ZBTB20: variants seen among roughly 807,000 people sequenced by gnomAD.
ZBTB20 encodes the protein zinc finger and BTB domain-containing protein 20.
In ZBTB20, 9 loss-of-function variants were observed where a neutral mutation model predicts 56.9. The observed-to-expected ratio is 0.16, with a 90% CI of 0.10 to 0.28. The LOEUF (loss-of-function observed/expected upper bound fraction) is 0.28, where lower values mean the gene tolerates loss of function less well. ZBTB20 is among the 10% of genes least tolerant of loss of function. The pLI is 1.00. For synonymous variants in ZBTB20, 417 were observed against 420.7 expected, an observed-to-expected ratio of 0.99 and a Z score of 0.11; for missense variants, 655 against 1,003.0, an observed-to-expected ratio of 0.65 and a Z score of 4.69.
chr3:114,614,477 G>C (rs537909815), intron 6 of ZBTB20, among the ~76,000 whole-genome samples: 1 of 152,202 alleles, frequency 6.6e-6, no homozygotes, highest in Non-Finnish European at 1.5e-5. Context: ...CCTCAACGGG[G>C]TGACATAAGG....
At chr3:114,725,584 T>C (rs1284345074) in intron 5 of ZBTB20, among the ~76,000 whole-genome samples, 3 of 152,246 alleles carry the variant, frequency 2.0e-5, no homozygotes, top group South Asian at 4.1e-4. Flanking sequence ...AAAATGAATA[T>C]ACTCAACTTA....
chr3:115,136,574 C>G (rs1475366478), intron 1 of ZBTB20, among the ~76,000 whole-genome samples: 1 of 151,978 alleles, frequency 6.6e-6, no homozygotes. Context: ...ATCAAACTCA[C>G]TTTACACCAG....
At chr3:114,983,978 C>T (rs1410115637) in intron 2 of ZBTB20, among the ~76,000 whole-genome samples, 3 of 151,874 alleles carry the variant, frequency 2.0e-5, no homozygotes, top group Non-Finnish European at 4.4e-5. Context: ...GCCCAGTTGA[C>T]GTTCTTATCC....
intron 4 of ZBTB20, among the ~76,000 whole-genome samples, chr3:114,832,236 C>T (rs1400695366): frequency 6.6e-6 from 1 of 152,070 alleles, no homozygotes; most frequent in Non-Finnish European, 1.5e-5. Flanking sequence ...TTTGGATAAA[C>T]TCAAATTCAG....
intron 4 of ZBTB20, among the ~76,000 whole-genome samples, chr3:114,835,384 G>A (rs1560302224): frequency 6.6e-6 from 1 of 151,702 alleles, no homozygotes; most frequent in African/African-American, 2.4e-5. Flanking sequence ...CAAAAAAGTT[G>A]TTTTTTTAAT....
intron 1 of ZBTB20, among the ~76,000 whole-genome samples, chr3:115,131,057 G>A (rs552120678): frequency 4.6e-5 from 7 of 152,114 alleles, no homozygotes; most frequent in South Asian, 2.1e-4. Context: ...CACCGTGCCC[G>A]GCCAATTATT....
At chr3:115,045,155 C>A (rs2081287736) in intron 2 of ZBTB20, among the ~76,000 whole-genome samples, 1 of 152,080 alleles carries the variant, frequency 6.6e-6, no homozygotes. Context: ...CTGTGGGACC[C>A]AACATACAAT....
chr3:114,426,849 T>C (rs188573430), intron 7 of ZBTB20, among the ~76,000 whole-genome samples: 5 of 152,386 alleles, frequency 3.3e-5, no homozygotes, highest in Admixed American at 6.5e-5. Flanking sequence ...TAGTTGTTTA[T>C]AAATTATTTT....
chr3:114,987,343 A>C (rs1393401940), intron 2 of ZBTB20, among the ~76,000 whole-genome samples: 3 of 152,142 alleles, frequency 2.0e-5, no homozygotes, highest in Non-Finnish European at 2.9e-5. Flanking sequence ...AGGTACAATG[A>C]ATGCAGAAAG....
chr3:115,120,216 T>C (rs1449417035), intron 1 of ZBTB20, among the ~76,000 whole-genome samples: 4 of 152,128 alleles, frequency 2.6e-5, no homozygotes, highest in Non-Finnish European at 5.9e-5. Context: ...TCATCAATTG[T>C]AACAAATGTA....
At chr3:115,143,619 A>G (rs1012129881) in intron 1 of ZBTB20, among the ~76,000 whole-genome samples, 3 of 152,226 alleles carry the variant, frequency 2.0e-5, no homozygotes, top group African/African-American at 7.2e-5. Context: ...TTGTTTTACC[A>G]TACTTTGCTA....
chr3:115,041,743 A>G (rs565212281), intron 2 of ZBTB20, among the ~76,000 whole-genome samples: 6 of 152,214 alleles, frequency 3.9e-5, no homozygotes, highest in Non-Finnish European at 7.4e-5. Flanking sequence ...TTAAGATGTA[A>G]AAGATTCCAA....
chr3:114,960,060 C>A (rs144759553), intron 3 of ZBTB20, among the ~76,000 whole-genome samples: 1 of 152,136 alleles, frequency 6.6e-6, no homozygotes, highest in Non-Finnish European at 1.5e-5. Flanking sequence ...GGAAGATACA[C>A]GAAAAGCTTT....
chr3:114,887,490 A>C (rs2076644309), intron 4 of ZBTB20, among the ~76,000 whole-genome samples: 1 of 152,144 alleles, frequency 6.6e-6, no homozygotes, highest in African/African-American at 2.4e-5. Flanking sequence ...TAAATCCAAT[A>C]ACTGATATGC....
At chr3:115,060,699 A>G (rs533654591) in intron 2 of ZBTB20, among the ~76,000 whole-genome samples, 1 of 152,176 alleles carries the variant, frequency 6.6e-6, no homozygotes, top group Non-Finnish European at 1.5e-5. Context: ...AGTTTTTCAA[A>G]TAACTTATGA....
intron 3 of ZBTB20, among the ~76,000 whole-genome samples, chr3:114,955,123 G>T (rs141483935): frequency 3.6e-4 from 55 of 152,272 alleles, no homozygotes; most frequent in Middle Eastern, 3.4e-3. Context: ...CAAGCTTTGA[G>T]CCCTTCACCA....
intron 3 of ZBTB20, among the ~76,000 whole-genome samples, chr3:114,925,930 A>G (rs1446848001): frequency 6.6e-6 from 1 of 152,162 alleles, no homozygotes; most frequent in East Asian, 1.9e-4. Context: ...GAGTGCTAAT[A>G]TCTTTGTTCT....
chr3:114,393,859 C>G (rs550066341), intron 7 of ZBTB20, among the ~76,000 whole-genome samples: 2 of 152,274 alleles, frequency 1.3e-5, no homozygotes, highest in Admixed American at 6.5e-5. Context: ...GGCGAACAGA[C>G]AGTAGGTCAC....
chr3:114,713,386 G>A (rs889782363), intron 5 of ZBTB20, among the ~76,000 whole-genome samples: 3 of 151,946 alleles, frequency 2.0e-5, no homozygotes, highest in South Asian at 2.1e-4. Flanking sequence ...TGAAAATGCC[G>A]GCTTTTTACA....
Sources: gnomAD v4.1 joint callset for allele counts (sites outside exome capture counted in the v4.1 genomes callset) on GRCh38, gnomAD v4.1.1 for gene constraint, MANE v1.5 for transcripts, NCBI Gene and HGNC (gene_info 2026-07-23, HGNC 2026-07-21) for gene names.